DYRK1A: variants seen among roughly 807,000 people sequenced by gnomAD.
DYRK1A encodes the protein dual specificity tyrosine-phosphorylation-regulated kinase 1A.
In DYRK1A, 9 loss-of-function variants were observed where a neutral mutation model predicts 79.7. That is an observed-to-expected ratio of 0.11 (90% CI 0.07 to 0.20). DYRK1A has a LOEUF of 0.20. DYRK1A is among the 10% of genes least tolerant of loss of function. The pLI is 1.00. For missense variants in DYRK1A, 622 were observed against 956.0 expected (o/e 0.65, Z 4.61); for synonymous variants, 349 against 329.7 (o/e 1.06, Z -0.63).
chr21:37,472,557 T>G (rs2052259780), intron 2 of DYRK1A, 127 bp from the exon 3 acceptor site: 2 of 644,018 alleles, frequency 3.1e-6, no homozygotes, highest in Non-Finnish European at 2.5e-6. Context: ...TATACCTGTT[T>G]GTAGTTAGAA....
At chr21:37,506,984 G>T (rs1294392893) in intron 11 of DYRK1A, among the ~76,000 whole-genome samples, 1 of 152,126 alleles carries the variant, frequency 6.6e-6, no homozygotes, top group Non-Finnish European at 1.5e-5. Context: ...CCTCTGCTGG[G>T]CAGTCTTACA....
chr21:37,391,021 A>G (rs2049860178), intron 1 of DYRK1A, among the ~76,000 whole-genome samples: 1 of 152,188 alleles, frequency 6.6e-6, no homozygotes, highest in South Asian at 2.1e-4. Context: ...TACAGATTAG[A>G]TGTCTCAGGC....
At chr21:37,379,125 TG>T (rs1402682958) in intron 1 of DYRK1A, among the ~76,000 whole-genome samples, 1 of 150,612 alleles carries the variant, frequency 6.6e-6, no homozygotes, top group African/African-American at 2.4e-5. Context: ...GACATGAGAG[TG>T]GGGTTGAGTC....
intron 2 of DYRK1A, among the ~76,000 whole-genome samples, chr21:37,457,498 A>G (rs976384136): frequency 3.3e-5 from 5 of 152,080 alleles, no homozygotes; most frequent in East Asian, 3.9e-4. Context: ...CAGCCTCCCA[A>G]AGTGCTGGGA....
At chr21:37,431,487 A>T (rs1340781004) in intron 2 of DYRK1A, among the ~76,000 whole-genome samples, 1 of 152,040 alleles carries the variant, frequency 6.6e-6, no homozygotes, top group African/African-American at 2.4e-5. Flanking sequence ...GCCTTTTGTG[A>T]CTTTGGGTTT....
chr21:37,455,506 C>T (rs1413824239), intron 2 of DYRK1A, among the ~76,000 whole-genome samples: 2 of 151,956 alleles, frequency 1.3e-5, no homozygotes, highest in Non-Finnish European at 2.9e-5. Context: ...TTTTCCAAGT[C>T]ACCATGGCTT....
intron 2 of DYRK1A, among the ~76,000 whole-genome samples, chr21:37,438,811 TGCATTTTCATATGAATTTTCAA>T (rs2051002024): frequency 6.6e-6 from 1 of 152,226 alleles, no homozygotes; most frequent in African/African-American, 2.4e-5. Context: ...CTAGGTCTTT[TGCATTTTCATATGAATTTTCAA>T]ATCAGTTCGC....
intron 2 of DYRK1A, chr21:37,464,267 G>C: frequency 2.1e-6 from 1 of 480,682 alleles, no homozygotes; most frequent in Non-Finnish European, 4.1e-6. Flanking sequence ...TTTCTCTGTA[G>C]AATCAGTGCT....
intron 2 of DYRK1A, among the ~76,000 whole-genome samples, chr21:37,455,327 AC>A (rs1450375492): frequency 1.3e-5 from 2 of 151,664 alleles, no homozygotes; most frequent in Non-Finnish European, 2.9e-5. Flanking sequence ...TTTATTTTGT[AC>A]CCTTTTTTCT....
intron 1 of DYRK1A, among the ~76,000 whole-genome samples, chr21:37,384,661 C>T (rs1367722748): frequency 6.6e-6 from 1 of 152,162 alleles, no homozygotes; most frequent in Non-Finnish European, 1.5e-5. Context: ...AGCAGGTTAA[C>T]ATGACTCATA....
intron 9 of DYRK1A, among the ~76,000 whole-genome samples, chr21:37,497,740 T>C (rs889700128): frequency 6.6e-6 from 1 of 152,182 alleles, no homozygotes; most frequent in Non-Finnish European, 1.5e-5. Flanking sequence ...TTCTTTCAAA[T>C]TGATCTATAG....
At chr21:37,471,793 T>G (rs1389323835) in intron 2 of DYRK1A, among the ~76,000 whole-genome samples, 8 of 152,236 alleles carry the variant, frequency 5.3e-5, no homozygotes, top group African/African-American at 1.9e-4. Context: ...GGTTGTGTTG[T>G]GGCTGTTAGC....
chr21:37,439,577 A>G (rs138156266), intron 2 of DYRK1A, among the ~76,000 whole-genome samples: 18 of 152,278 alleles, frequency 1.2e-4, no homozygotes, highest in Non-Finnish European at 1.9e-4. Flanking sequence ...TTAGACTCGC[A>G]TAGACATGCA....
chr21:37,379,109 C>T (rs1340968112), intron 1 of DYRK1A, among the ~76,000 whole-genome samples: 5 of 151,922 alleles, frequency 3.3e-5, no homozygotes, highest in Non-Finnish European at 5.9e-5. Context: ...GAAGGGGACA[C>T]TTGTGGACAT....
chr21:37,447,583 G>A (rs929482423), intron 2 of DYRK1A, among the ~76,000 whole-genome samples: 11 of 152,146 alleles, frequency 7.2e-5, no homozygotes, highest in Admixed American at 2.0e-4. Flanking sequence ...TTCATCTTCC[G>A]CAAAGCCTAA....
intron 2 of DYRK1A, among the ~76,000 whole-genome samples, chr21:37,442,647 C>T (rs1316302340): frequency 3.3e-5 from 5 of 151,832 alleles, no homozygotes; most frequent in South Asian, 4.2e-4. Context: ...TTTGCTATGA[C>T]GGGCTGGATT....
intron 11 of DYRK1A, among the ~76,000 whole-genome samples, chr21:37,510,145 A>G (rs553248037): frequency 2.4e-4 from 37 of 152,222 alleles, no homozygotes; most frequent in Non-Finnish European, 4.6e-4. Flanking sequence ...TCATTCACAC[A>G]TAGACATTTT....
At chr21:37,485,873 C>A (rs2835767) in intron 5 of DYRK1A, among the ~76,000 whole-genome samples, 14 of 152,014 alleles carry the variant, frequency 9.2e-5, no homozygotes, top group Admixed American at 2.0e-4. Flanking sequence ...TCATAATCCC[C>A]CAATTATGGC....
intron 1 of DYRK1A, among the ~76,000 whole-genome samples, chr21:37,393,955 G>A (rs970255138): frequency 3.9e-5 from 6 of 152,152 alleles, no homozygotes; most frequent in Non-Finnish European, 5.9e-5. Context: ...CCTTGAACTG[G>A]CAGTGTCATC....
Sources: allele counts gnomAD v4.1 joint callset (sites outside exome capture counted in the v4.1 genomes callset), GRCh38; gene constraint gnomAD v4.1.1; transcripts MANE v1.5; gene names NCBI Gene and HGNC (gene_info 2026-07-23, HGNC 2026-07-21).